The following TM4SF5 variants were observed in gnomAD, a reference collection of about 807,000 sequenced individuals.
TM4SF5 encodes the protein transmembrane 4 L six family member 5, also known as transmembrane 4 L6 family member 5.
Under a neutral mutation model 22.3 loss-of-function variants are expected in TM4SF5, and 16 were observed. The observed-to-expected ratio is 0.72, with a 90% CI of 0.49 to 1.09. The LOEUF is 1.09. Ranked by LOEUF, TM4SF5 falls within the 50% of genes least tolerant of loss-of-function variation. TM4SF5 has a pLI of 0.00. For missense variants in TM4SF5, 249 were observed against 266.1 expected, an observed-to-expected ratio of 0.94 and a Z score of 0.45; for synonymous variants, 113 against 109.6, an observed-to-expected ratio of 1.03 and a Z score of -0.19.
At chr17:4,781,617 G>C (rs534405860) in intron 2 of TM4SF5, among the ~76,000 whole-genome samples, 6 of 151,956 alleles carry the variant, frequency 3.9e-5, no homozygotes, top group African/African-American at 1.2e-4. Context: ...CCTAGTTCAA[G>C]CCATTCTTGT....
intron 1 of TM4SF5, among the ~76,000 whole-genome samples, chr17:4,776,829 C>T (rs1321971657): frequency 2.0e-5 from 3 of 152,126 alleles, no homozygotes; most frequent in African/African-American, 7.2e-5. Context: ...TTGCTCCACA[C>T]GCCACTGGAA....
intron 3 of TM4SF5, 81 bp downstream of exon 3, chr17:4,782,720 C>T: frequency 1.3e-6 from 2 of 1,587,340 alleles, no homozygotes; most frequent in South Asian, 2.3e-5. Flanking sequence ...GACACCTGGG[C>T]GGGACTCGAC....
At position 4,780,769 on chromosome 17, in the gene TM4SF5, C is replaced by T; in HGVS notation, c.178-20C>T. ...GAGGATCTGGGGGGACGTGCTATAA[C>T]AATGACTCTTGTCCCACAGGTACTG... On this transcript the variant is annotated intron_variant, in intron 1 of 4. Coordinates refer to ENST00000270560, the MANE Select transcript of TM4SF5 (RefSeq NM_003963.3). 1.9e-6 allele frequency: 3 copies of T among 1,600,472 alleles called. No homozygotes were observed. The highest frequency in any genetic ancestry group is 1.7e-5 in the Admixed American group (1 of 58,320).
chr17:4,781,598 T>C (rs568560770), intron 2 of TM4SF5, among the ~76,000 whole-genome samples: 175 of 152,074 alleles, frequency 1.2e-3, no homozygotes, highest in African/African-American at 4.0e-3. Context: ...TCACTGCAGC[T>C]TCCGCCTCCC....
chr17:4,780,766 T>TA (rs759966970), intron 1 of TM4SF5, 23 bp from the exon 2 acceptor site: 50 of 1,598,576 alleles, frequency 3.1e-5, no homozygotes, highest in Non-Finnish European at 4.0e-5. Context: ...GGACGTGCTA[T>TA]AACAATGACT....
intron 1 of TM4SF5, among the ~76,000 whole-genome samples, chr17:4,777,627 G>C (rs974685099): frequency 1.3e-5 from 2 of 151,964 alleles, no homozygotes; most frequent in Non-Finnish European, 2.9e-5. Context: ...GCTCACACCT[G>C]TAATCCCAGC....
chr17:4,771,953 G>A lies in TM4SF5; in HGVS notation c.31G>A (p.Gly11Arg). The A allele has an allele frequency of 3.1e-6, 5 of 1,614,138 alleles. No homozygotes were observed. Among genetic ancestry groups the A allele is most frequent in the Non-Finnish European group, 4.2e-6 (5 of 1,180,034 alleles). The change falls in exon 1 of 5, where the codon GGG becomes AGG. Residue 11 changes from glycine (G) to arginine (R), a missense_variant. Gly to Arg is a moderately radical substitution (Grantham distance 125). Coordinates refer to ENST00000270560, the MANE Select transcript of TM4SF5 (RefSeq NM_003963.3). MCTGKCARCV[G>R]LSLITLCLVC... ...TACGGGAAAATGTGCCCGCTGTGTG[G>A]GGCTCTCCCTCATTACCCTCTGCCT...
chr17:4,776,485 A>G (rs1917208086), intron 1 of TM4SF5, among the ~76,000 whole-genome samples: 1 of 151,616 alleles, frequency 6.6e-6, no homozygotes, highest in South Asian at 2.1e-4. Flanking sequence ...TATTTTTAGT[A>G]GAGACGGGGT....
At position 4,781,816 on chromosome 17, in the gene TM4SF5, C is replaced by T. The variant is rs150163741; in HGVS notation, c.259-687C>T. ...AGGTGTGAGATATCGTGCCCAGCCT[C>T]GAGTCAGGTTTAAAATAAATTTCCC... is the stretch of plus-strand genomic sequence containing the variant. On this transcript the variant is annotated intron_variant, in intron 2 of 4. Transcript: ENST00000270560. Among the ~76,000 whole-genome samples, 72 of 152,008 alleles carry T rather than the reference C, an allele frequency of 4.7e-4. 1 individual carries two copies. In the East Asian group the frequency reaches 5.1e-3, roughly 11 times the overall value.
At chr17:4,782,799 C>G in intron 3 of TM4SF5, 55 bp from the exon 4 acceptor site, 2 of 1,579,334 alleles carry the variant, frequency 1.3e-6, no homozygotes, top group African/African-American at 2.7e-5. Context: ...TTCTTGGGGG[C>G]GGGGTGGCGC....
intron 2 of TM4SF5, 68 bp downstream of exon 2, chr17:4,780,937 T>G: frequency 7.2e-7 from 1 of 1,398,054 alleles, no homozygotes; most frequent in Non-Finnish European, 1.0e-6. Context: ...CCCAACACTT[T>G]AGCAGGCTGA....
chr17:4,782,467 G>A, intron 2 of TM4SF5, 36 bp from the exon 3 acceptor site: 1 of 1,613,094 alleles, frequency 6.2e-7, no homozygotes, highest in South Asian at 1.1e-5. Flanking sequence ...CAGGTGGGGA[G>A]ATTGGGCCTT....
At position 4,782,753 on chromosome 17, in the gene TM4SF5, G is replaced by A. The variant is rs1917336845; in HGVS notation, c.396-101G>A. The A allele has an allele frequency of 3.8e-6, 6 of 1,568,800 alleles. No homozygotes were observed. The Admixed American group carries it at 1.1e-4, about 28-fold the overall frequency. On this transcript the variant is annotated intron_variant, in intron 3 of 4. Transcript: ENST00000270560. ...GACTTCGAGGGCACTCGCTCCACGTGGGCTACCTGGGCCTTAGCAAATCCC... is the reference window on the plus strand; with the variant it reads ...GACTTCGAGGGCACTCGCTCCACGTAGGCTACCTGGGCCTTAGCAAATCCC...
intron 1 of TM4SF5, among the ~76,000 whole-genome samples, chr17:4,772,302 C>T (rs549578868): frequency 1.3e-4 from 20 of 152,254 alleles, no homozygotes; most frequent in African/African-American, 4.6e-4. Context: ...ACAGAAAGGA[C>T]GAGAGCCTCA....
chr17:4,783,153 C>T lies in TM4SF5; in HGVS notation c.*25C>T, dbSNP rs1173201534. 2 of 1,595,350 alleles carry T rather than the reference C, an allele frequency of 1.3e-6. No homozygotes were observed. Among genetic ancestry groups the T allele is most frequent in the South Asian group, 2.2e-5 (2 of 89,642 alleles). ...AGGCTCCACTGACCGCCGGGTTACA[C>T]CTGCTCCTTCCTGGACGCTCACTCC... On this transcript the variant is annotated 3_prime_UTR_variant, in exon 5 of 5. Transcript: ENST00000270560.
rs76386248 is a variant in TM4SF5 at position 4,782,943 on chromosome 17, T to C, written c.485T>C (p.Leu162Pro). 1 of 1,614,252 alleles carries C rather than the reference T, an allele frequency of 6.2e-7. No homozygotes were observed. The highest frequency in any genetic ancestry group is 8.5e-7 in the Non-Finnish European group (1 of 1,180,054). ...VPWNVTLFSL[L>P]VAASCLEIVL... Reference sequence around the variant, plus strand: ...TGGAATGTGACGCTCTTCTCGCTGCTGGTGGCCGCCTCCTGCCTGGAGATA... The same window carrying C: ...TGGAATGTGACGCTCTTCTCGCTGCCGGTGGCCGCCTCCTGCCTGGAGATA... The change falls in exon 4 of 5, where the codon CTG (leucine) becomes CCG (proline). Residue 162 changes from leucine to proline, a missense_variant. Transcript: ENST00000270560.
chr17:4,780,113 T>C (rs1917273539), intron 1 of TM4SF5, among the ~76,000 whole-genome samples: 2 of 149,808 alleles, frequency 1.3e-5, no homozygotes, highest in Non-Finnish European at 3.0e-5. Flanking sequence ...TGGAGTACAG[T>C]GGCACGATCT....
intron 1 of TM4SF5, 142 bp downstream of exon 1, chr17:4,772,241 G>C: frequency 9.5e-7 from 1 of 1,051,672 alleles, no homozygotes; most frequent in Non-Finnish European, 1.4e-6. Context: ...GCAGCCCTCT[G>C]GAGTCAGTCC....
chr17:4,781,639 C>G (rs1251356602), intron 2 of TM4SF5, among the ~76,000 whole-genome samples: 4 of 151,874 alleles, frequency 2.6e-5, no homozygotes, highest in Non-Finnish European at 5.9e-5. Context: ...CTTCCAGCCT[C>G]CCAAGTAGCT....
Sources: gnomAD v4.1 joint callset for allele counts (sites outside exome capture counted in the v4.1 genomes callset) on GRCh38, gnomAD v4.1.1 for gene constraint, MANE v1.5 for transcripts, NCBI Gene and HGNC (gene_info 2026-07-23, HGNC 2026-07-21) for gene names.